The following METTL14 variants were observed in gnomAD, a reference collection of about 807,000 sequenced individuals.
The protein encoded by METTL14 is N(6)-adenosine-methyltransferase non-catalytic subunit METTL14.
In METTL14, 32 loss-of-function variants were observed where a neutral mutation model predicts 62.4. That is an observed-to-expected ratio of 0.51 (90% CI 0.39 to 0.69). The LOEUF is 0.69. METTL14 is among the 30% of genes least tolerant of loss of function. The pLI, the probability that METTL14 is intolerant of heterozygous loss-of-function variation, is 0.00. For missense variants in METTL14, 340 were observed against 551.9 expected (o/e 0.62, Z 3.85); for synonymous variants, 150 against 180.0 (o/e 0.83, Z 1.34).
intron 8 of METTL14, among the ~76,000 whole-genome samples, chr4:118,701,694 C>T (rs1724593969): frequency 1.3e-5 from 2 of 152,196 alleles, no homozygotes; most frequent in South Asian, 4.2e-4. Context: ...GTTTTTATGA[C>T]ATATTATTTA....
rs564517269 is a variant in METTL14, at chr4:118,691,967, GT to G, written c.325-8del. 642 of 1,567,254 alleles carry G rather than the reference GT, an allele frequency of 4.1e-4. 3 individuals carry two copies. In the African/African-American group the frequency reaches 7.0e-3, roughly 17 times the overall value. The stretch of plus-strand genomic sequence containing the variant: ...CAATGCATGTTACAAATTTAATTTT[GT>G]TTTTTAATTTAGGGAACACAGAGCT... On this transcript the variant is annotated splice_polypyrimidine_tract_variant and intron_variant, in intron 4 of 10. Transcript: ENST00000388822.
At chr4:118,700,388 G>A (rs1724553421) in intron 7 of METTL14, among the ~76,000 whole-genome samples, 162 bp from the exon 8 acceptor site, 1 of 152,114 alleles carries the variant, frequency 6.6e-6, no homozygotes, top group Non-Finnish European at 1.5e-5. Context: ...ACAATAGAAC[G>A]AGTAATTTTA....
intron 8 of METTL14, among the ~76,000 whole-genome samples, chr4:118,701,844 CAATTACTGT>C (rs1250142893): frequency 9.2e-5 from 14 of 152,224 alleles, no homozygotes; most frequent in Non-Finnish European, 1.9e-4. Context: ...TGAAATTCTA[CAATTACTGT>C]ATATTCTTTA....
intron 6 of METTL14, among the ~76,000 whole-genome samples, chr4:118,696,872 T>C (rs1239336212): frequency 6.6e-6 from 1 of 152,070 alleles, no homozygotes; most frequent in Non-Finnish European, 1.5e-5. Context: ...TGAGTATGGA[T>C]TTTTAATATT....
At chr4:118,703,488 A>C (rs1047881553) in intron 8 of METTL14, among the ~76,000 whole-genome samples, 3 of 152,226 alleles carry the variant, frequency 2.0e-5, no homozygotes, top group African/African-American at 7.2e-5. Context: ...AGATTTTATA[A>C]GACTCTCATT....
In METTL14 at chr4:118,685,776, C is replaced by T. The variant is rs540452497; in HGVS notation, c.66+176C>T. On this transcript the variant is annotated intron_variant, in intron 1 of 10. Coordinates refer to ENST00000388822, the MANE Select transcript of METTL14 (RefSeq NM_020961.4). ...TTGTAGTTCTCAATTTTCGCGGTGT[C>T]CCGAATGTTTTTCCAGTTCCTTCCG... 3.9e-5 allele frequency among the ~76,000 whole-genome samples: 6 copies of T among 152,214 alleles called. No individual in the cohort carries two copies. The South Asian group carries it at 6.2e-4, about 16-fold the overall frequency.
chr4:118,686,375 C>G (rs1288929068), intron 1 of METTL14, among the ~76,000 whole-genome samples: 2 of 152,212 alleles, frequency 1.3e-5, no homozygotes, highest in African/African-American at 4.8e-5. Flanking sequence ...AGATTGTGCA[C>G]AGTTCTACTT....
chr4:118,702,877 T>A (rs1425071291), intron 8 of METTL14, among the ~76,000 whole-genome samples: 2 of 150,674 alleles, frequency 1.3e-5, no homozygotes, highest in African/African-American at 4.9e-5. Flanking sequence ...TTTTTTTTTT[T>A]TGGTTCAGGG....
At chr4:118,696,593 T>A in intron 6 of METTL14, among the ~76,000 whole-genome samples, 1 of 152,192 alleles carries the variant, frequency 6.6e-6, no homozygotes, top group Admixed American at 6.5e-5. Context: ...TAAAGTATTT[T>A]AAATTTAAAA....
chr4:118,685,647 G>T (rs1368998204), intron 1 of METTL14, 47 bp downstream of exon 1: 4 of 1,557,000 alleles, frequency 2.6e-6, no homozygotes, highest in Non-Finnish European at 3.5e-6. Context: ...GAATGCGAGT[G>T]CGCGGCCGCC....
At chr4:118,696,955 C>G (rs554435125) in intron 6 of METTL14, among the ~76,000 whole-genome samples, 1 of 151,996 alleles carries the variant, frequency 6.6e-6, no homozygotes. Context: ...ACGTTCATGT[C>G]TTAAGAAAGA....
chr4:118,707,807 A>G (rs891803585), intron 10 of METTL14, among the ~76,000 whole-genome samples: 2 of 151,736 alleles, frequency 1.3e-5, no homozygotes, highest in South Asian at 2.1e-4. Context: ...ACAGATAACT[A>G]TGTGAGTCAA....
rs953021107 is a variant in METTL14 at position 118,704,659 on chromosome 4, G to T, written c.855+608G>T. Among the ~76,000 whole-genome samples the T allele has an allele frequency of 2.6e-5, 4 of 152,212 alleles. No homozygotes were observed. The East Asian group carries it at 7.7e-4, about 29-fold the overall frequency. On this transcript the variant is annotated intron_variant, in intron 9 of 10. Coordinates refer to ENST00000388822, the MANE Select transcript of METTL14 (RefSeq NM_020961.4). Reference sequence around the variant, plus strand: ...TGTGGAGTTTCTGGGACGGTGGTCTGCTTGGAGAGGGCACAGCAGCTCCAT... The same window carrying T: ...TGTGGAGTTTCTGGGACGGTGGTCTTCTTGGAGAGGGCACAGCAGCTCCAT...
rs1257684541 is a variant in METTL14 at position 118,703,941 on chromosome 4, C to A, written c.745C>A (p.Arg249=). ...EGLDLGRVCL[R]KWGYRRCEDI... ...AAAATTCTTTTGTTTCTAGTGTTTA[C>A]GAAAATGGGGTTACAGAAGATGTGA... Residue 249 remains arginine, a synonymous_variant, in exon 9 of 11, where the codon CGA becomes AGA. Coordinates refer to ENST00000388822, the MANE Select transcript of METTL14 (RefSeq NM_020961.4). 3 of 1,545,502 alleles carry A rather than the reference C, an allele frequency of 1.9e-6. No individual in the cohort carries two copies. Among genetic ancestry groups the A allele is most frequent in the Non-Finnish European group, 2.6e-6 (3 of 1,150,254 alleles).
intron 10 of METTL14, among the ~76,000 whole-genome samples, chr4:118,706,527 A>G (rs1417493961): frequency 6.6e-6 from 1 of 152,236 alleles, no homozygotes; most frequent in Non-Finnish European, 1.5e-5. Flanking sequence ...GCAATTATGA[A>G]TAAGCTACAA....
At position 118,712,862 on chromosome 4, in the gene METTL14, A is replaced by G. The variant is rs1005365411; in HGVS notation, c.*2560A>G. ...TCAGAGGATGGGGATTAGGAGGCCC[A>G]AAGTACTGATTGAGTAGGAATACTT... On this transcript the variant is annotated 3_prime_UTR_variant, in exon 11 of 11. Coordinates refer to ENST00000388822, the MANE Select transcript of METTL14 (RefSeq NM_020961.4). 1 of 152,138 alleles carries G rather than the reference A, an allele frequency of 6.6e-6. No individual in the cohort carries two copies. Among genetic ancestry groups the G allele is most frequent in the Non-Finnish European group, 1.5e-5 (1 of 68,016 alleles). 9.4% of individuals were successfully genotyped at this position (152,138 alleles called of 1,614,324 possible).
intron 9 of METTL14, 65 bp from the exon 10 acceptor site, chr4:118,705,546 A>G: frequency 8.0e-7 from 1 of 1,257,236 alleles, no homozygotes; most frequent in Non-Finnish European, 1.2e-6. Flanking sequence ...GGACATCAGA[A>G]ATGTGAAAGG....
At chr4:118,697,098 C>T in intron 6 of METTL14, 84 bp from the exon 7 acceptor site, 1 of 1,001,880 alleles carries the variant, frequency 1.0e-6, no homozygotes, top group Non-Finnish European at 1.4e-6. Context: ...ACATTTCTTT[C>T]ATTACCATCT....
At position 118,691,529 on chromosome 4, in the gene METTL14, A is replaced by T; in HGVS notation, c.244-3A>T. On this transcript the variant is annotated splice_polypyrimidine_tract_variant and splice_region_variant and intron_variant, in intron 3 of 10. Coordinates refer to ENST00000388822, the MANE Select transcript of METTL14 (RefSeq NM_020961.4). ...ATATTTACTTAATCTTATGTTTTTC[A>T]AGGATGAACTAGAAATGCAACAGGA... 6.6e-7 allele frequency: 1 copy of T among 1,524,350 alleles called. No individual in the cohort carries two copies. The highest frequency in any genetic ancestry group is 8.9e-7 in the Non-Finnish European group (1 of 1,122,978). The allele number at this position is 1,524,350 out of a possible 1,614,324, so 94.4% of individuals were successfully genotyped here. A position where few individuals can be genotyped will look rare whatever the true frequency, so the allele number is the denominator to read the frequency against.
Sources: gnomAD v4.1 joint callset for allele counts (sites outside exome capture counted in the v4.1 genomes callset) on GRCh38, gnomAD v4.1.1 for gene constraint, MANE v1.5 for transcripts, NCBI Gene and HGNC (gene_info 2026-07-23, HGNC 2026-07-21) for gene names.